The following SPATA6 variants were observed in gnomAD, a reference collection of about 807,000 sequenced individuals.
SPATA6 encodes the protein spermatogenesis associated 6.
SPATA6 carries 56 observed loss-of-function variants against 65.3 expected under a neutral mutation model. That is an observed-to-expected ratio of 0.86 (90% confidence interval 0.69 to 1.07). The LOEUF (loss-of-function observed/expected upper bound fraction) is 1.07. Ranked by LOEUF, SPATA6 falls within the 50% of genes least tolerant of loss-of-function variation. The pLI, the probability that SPATA6 is intolerant of heterozygous loss-of-function variation, is 0.00. For missense variants in SPATA6, 590 were observed against 594.8 expected, an observed-to-expected ratio of 0.99 and a Z score of 0.08; for synonymous variants, 199 against 213.2, an observed-to-expected ratio of 0.93 and a Z score of 0.58.
At chr1:48,359,791 A>C in intron 9 of SPATA6, 21 bp from the exon 10 acceptor site, 1 of 1,545,866 alleles carries the variant, frequency 6.5e-7, no homozygotes, top group Non-Finnish European at 8.8e-7. Context: ...AATTATATAC[A>C]TATAGATATA....
chr1:48,311,603 T>C (rs1198767864), intron 11 of SPATA6, among the ~76,000 whole-genome samples: 2 of 152,116 alleles, frequency 1.3e-5, no homozygotes, highest in Non-Finnish European at 2.9e-5. Flanking sequence ...CCAAGATAGC[T>C]GAATAGGAAC....
At chr1:48,388,240 CAA>C (rs144410111) in intron 8 of SPATA6, among the ~76,000 whole-genome samples, 1 of 146,968 alleles carries the variant, frequency 6.8e-6, no homozygotes, top group Non-Finnish European at 1.5e-5. Flanking sequence ...TGCTTATAAA[CAA>C]AAAAAAAATC....
intron 10 of SPATA6, among the ~76,000 whole-genome samples, chr1:48,358,177 G>A (rs890873767): frequency 3.3e-5 from 5 of 151,988 alleles, no homozygotes; most frequent in Admixed American, 6.6e-5. Context: ...TAGCCTCAAT[G>A]ACAAATTGAT....
Position 48,403,821 on chromosome 1 carries a change from G to A in SPATA6, c.467C>T (p.Ser156Leu), listed in dbSNP as rs140018783. 1.5e-5 allele frequency: 24 copies of A among 1,607,798 alleles called. No individual in the cohort carries two copies. The African/African-American group carries it at 3.1e-4, about 21-fold the overall frequency. ...TSVITECLISSRKCHTQDKFI... is the reference protein window; with the variant it reads ...TSVITECLISLRKCHTQDKFI... ...TTTAACCTGAGTGTGGCATTTCCTT[G>A]AACTTATCAGACATTCAGTAATCAC... The change falls in exon 6 of 13, where the codon TCA becomes TTA. Residue 156 changes from serine to leucine, a missense_variant. Physicochemically the swap from Ser to Leu is moderately radical, Grantham distance 145. Coordinates refer to ENST00000371847, the MANE Select transcript of SPATA6 (RefSeq NM_019073.4).
Position 48,451,469 on chromosome 1 carries a change from TATTTAACCCAAG to T in SPATA6, c.238+71_238+82del, listed in dbSNP as rs1656562534. 2.9e-6 allele frequency: 4 copies of T among 1,373,666 alleles called. No homozygotes were observed. The East Asian group carries it at 9.5e-5, about 33-fold the overall frequency. 85.1% of individuals were successfully genotyped at this position (1,373,666 alleles called of 1,614,324 possible). On this transcript the variant is annotated intron_variant, in intron 3 of 12. Transcript: ENST00000371847. ...GTTCTACTAACCCCTTTTAAACTTT[TATTTAACCCAAG>T]ATTAAAGATCATAAGGATAATAAAT...
At chr1:48,471,910 G>A in intron 1 of SPATA6, 48 bp downstream of exon 1, 2 of 1,601,654 alleles carry the variant, frequency 1.2e-6, no homozygotes, top group Non-Finnish European at 8.5e-7. Context: ...GTGACTGAGG[G>A]AGTCCCTGAG....
chr1:48,459,933 G>A (rs1027074402), intron 1 of SPATA6, among the ~76,000 whole-genome samples: 4 of 152,080 alleles, frequency 2.6e-5, no homozygotes, highest in African/African-American at 9.7e-5. Flanking sequence ...CTGAATAAAA[G>A]TGAAAACACA....
chr1:48,384,020 C>T (rs1399244947), intron 9 of SPATA6, among the ~76,000 whole-genome samples: 2 of 151,330 alleles, frequency 1.3e-5, no homozygotes, highest in African/African-American at 4.9e-5. Flanking sequence ...GCGGAGATCA[C>T]GCCACTGCAC....
intron 5 of SPATA6, among the ~76,000 whole-genome samples, chr1:48,408,866 A>G (rs1025487156): frequency 8.5e-5 from 13 of 152,164 alleles, no homozygotes; most frequent in African/African-American, 2.9e-4. Flanking sequence ...CCATGATTCA[A>G]TCATCTCCCA....
rs190505969 is a variant in SPATA6 at position 48,328,847 on chromosome 1, T to C, written c.1195-22969A>G. On this transcript the variant is annotated intron_variant, in intron 11 of 12. Transcript: ENST00000371847. ...GTTTTCATTATCTCAAGTAGATACA[T>C]CTATTTTACAGATAAAAGAGGGTAA... Among the ~76,000 whole-genome samples, 317 of 152,296 alleles carry C rather than the reference T, an allele frequency of 2.1e-3. 2 individuals are homozygous for C. Among genetic ancestry groups the C allele is most frequent in the Non-Finnish European group, 3.6e-3 (244 of 68,012 alleles).
At chr1:48,418,398 A>G (rs1225752449) in intron 3 of SPATA6, among the ~76,000 whole-genome samples, 1 of 151,922 alleles carries the variant, frequency 6.6e-6, no homozygotes, top group East Asian at 1.9e-4. Flanking sequence ...TGAGCATACA[A>G]TAAAATTTCA....
intron 10 of SPATA6, 133 bp downstream of exon 10, chr1:48,359,453 C>G: frequency 9.7e-7 from 1 of 1,031,152 alleles, no homozygotes; most frequent in Non-Finnish European, 1.4e-6. Context: ...ATATTCTAAA[C>G]AAAAACAATT....
intron 11 of SPATA6, among the ~76,000 whole-genome samples, chr1:48,354,619 A>G: frequency 6.6e-6 from 1 of 152,250 alleles, no homozygotes; most frequent in Non-Finnish European, 1.5e-5. Context: ...TAAATTGCAA[A>G]AACGCTTGAA....
At chr1:48,281,243 A>G in the SPATA6 span, among the ~76,000 whole-genome samples, 1 of 151,612 alleles carries the variant, frequency 6.6e-6, no homozygotes, top group South Asian at 2.1e-4. Context: ...AATGGGCAAA[A>G]ACTGGAAGCA....
Position 48,297,706 on chromosome 1 carries a change from A to G in SPATA6, c.*1007T>C, listed in dbSNP as rs1644839370. ...GCTGATTTCTTTATGTCTTTATAGT[A>G]TCATTGGCTTCACAGGTGTGTGCTG... On this transcript the variant is annotated 3_prime_UTR_variant, in exon 13 of 13. Coordinates refer to ENST00000371847, the MANE Select transcript of SPATA6 (RefSeq NM_019073.4). 6.6e-6 allele frequency: 1 copy of G among 152,064 alleles called. No individual in the cohort carries two copies. The highest frequency in any genetic ancestry group is 1.5e-5 in the Non-Finnish European group (1 of 68,022). 9.4% of individuals were successfully genotyped at this position (152,064 alleles called of 1,614,324 possible).
chr1:48,365,362 G>A (rs1486611636), intron 9 of SPATA6, among the ~76,000 whole-genome samples: 3 of 152,056 alleles, frequency 2.0e-5, no homozygotes, highest in Non-Finnish European at 4.4e-5. Context: ...TGATGGGGGT[G>A]GCATTGAATC....
chr1:48,395,424 G>A, intron 7 of SPATA6, 70 bp from the exon 8 acceptor site: 1 of 1,086,190 alleles, frequency 9.2e-7, no homozygotes, highest in Non-Finnish European at 1.2e-6. Flanking sequence ...CATGGTACCA[G>A]AAAAACTACT....
At chr1:48,469,561 T>C (rs1658073680) in intron 1 of SPATA6, among the ~76,000 whole-genome samples, 1 of 151,582 alleles carries the variant, frequency 6.6e-6, no homozygotes, top group East Asian at 1.9e-4. Flanking sequence ...TGAAAATGGT[T>C]AAAGCAGATG....
At chr1:48,394,747 T>C (rs1050241850) in intron 8 of SPATA6, among the ~76,000 whole-genome samples, 5 of 152,036 alleles carry the variant, frequency 3.3e-5, no homozygotes. Context: ...TAGGGAATAC[T>C]TGTTGAACTC....
Sources: allele counts gnomAD v4.1 joint callset (sites outside exome capture counted in the v4.1 genomes callset), GRCh38; gene constraint gnomAD v4.1.1; transcripts MANE v1.5; gene names NCBI Gene and HGNC (gene_info 2026-07-23, HGNC 2026-07-21).